The following PCDH15 variants were observed in gnomAD, a reference collection of about 807,000 sequenced individuals.
The protein encoded by PCDH15 is protocadherin related 15.
A neutral mutation model predicts 178.5 loss-of-function variants in PCDH15; 129 were observed. The observed-to-expected ratio is 0.72, with a 90% CI of 0.63 to 0.84. The LOEUF is 0.84. Ranked by LOEUF, PCDH15 falls within the 40% of genes least tolerant of loss-of-function variation. PCDH15 has a pLI of 0.00. For synonymous variants in PCDH15, 800 were observed against 732.0 expected (o/e 1.09, Z -1.50); for missense variants, 2,230 against 2,099.9 (o/e 1.06, Z -1.21).
chr10:55,427,283 AC>A lies in PCDH15; in HGVS notation c.-156+200341del, dbSNP rs200384401. 9.6e-3 allele frequency among the ~76,000 whole-genome samples: 1,461 copies of A among 152,306 alleles called. 13 individuals are homozygous for A. Among genetic ancestry groups the A allele is most frequent in the Non-Finnish European group, 0.014 (979 of 68,028 alleles). Reference sequence around the variant, plus strand: ...ACTCTCAACCAAAGTAACCTAAGGTACCTGCAACACTACCATACTAATGTGA... The same window carrying A: ...ACTCTCAACCAAAGTAACCTAAGGTACTGCAACACTACCATACTAATGTGA... On this transcript the variant is annotated intron_variant, in intron 2 of 5. Transcript: ENST00000613346.
chr10:55,332,704 C>T (rs1230610597), intron 2 of PCDH15, among the ~76,000 whole-genome samples: 1 of 152,092 alleles, frequency 6.6e-6, no homozygotes, highest in Non-Finnish European at 1.5e-5. Flanking sequence ...CCACAATGTT[C>T]TCATAATATT....
chr10:54,839,214 CA>C (rs1349720193), intron 3 of PCDH15, among the ~76,000 whole-genome samples: 2 of 152,158 alleles, frequency 1.3e-5, no homozygotes, highest in East Asian at 1.9e-4. Context: ...AACTTTCCAA[CA>C]AAGAGTTCCA....
intron 21 of PCDH15, among the ~76,000 whole-genome samples, chr10:53,988,164 G>A (rs990642643): frequency 2.6e-5 from 4 of 152,020 alleles, no homozygotes; most frequent in Admixed American, 6.6e-5. Flanking sequence ...TATCATCTAG[G>A]GTCCTTCTCA....
intron 5 of PCDH15, among the ~76,000 whole-genome samples, chr10:54,362,639 C>T (rs1335539308): frequency 1.3e-5 from 2 of 151,926 alleles, no homozygotes; most frequent in Non-Finnish European, 2.9e-5. Flanking sequence ...TGCGTTGATC[C>T]TTATAGAGCC....
chr10:53,821,042 C>G, intron 32 of PCDH15: 1 of 911,470 alleles, frequency 1.1e-6, no homozygotes, highest in South Asian at 5.1e-5. Flanking sequence ...TATGAACAAA[C>G]AAAATTAAAC....
In PCDH15 at chr10:54,593,714, G is replaced by T. The variant is rs114319043; in HGVS notation, c.92-65837C>A. 8.4e-3 allele frequency among the ~76,000 whole-genome samples: 1,275 copies of T among 152,192 alleles called. 17 individuals are homozygous for T. The highest frequency in any genetic ancestry group is 0.029 in the African/African-American group (1,191 of 41,528). On this transcript the variant is annotated intron_variant, in intron 2 of 37. Transcript: ENST00000644397. ...TTTTTTTCCTATTTCTGTAAAGAAT[G>T]CCATTGGAATTTTGACAGGGATTGC...
At chr10:54,402,296 G>A (rs1698512147) in intron 3 of PCDH15, among the ~76,000 whole-genome samples, 1 of 151,744 alleles carries the variant, frequency 6.6e-6, no homozygotes, top group Non-Finnish European at 1.5e-5. Context: ...GAAGAAGAAG[G>A]CAAGATTATA....
At chr10:54,459,632 G>A (rs2077047818) in intron 3 of PCDH15, among the ~76,000 whole-genome samples, 1 of 152,078 alleles carries the variant, frequency 6.6e-6, no homozygotes, top group African/African-American at 2.4e-5. Flanking sequence ...AGACAGGTGA[G>A]AGACAGGATA....
chr10:54,778,421 T>C (rs1167218494), intron 1 of PCDH15, among the ~76,000 whole-genome samples: 1 of 152,158 alleles, frequency 6.6e-6, no homozygotes, highest in African/African-American at 2.4e-5. Flanking sequence ...TCAGCTATTG[T>C]TTCTCTGAAT....
At chr10:54,245,076 A>G (rs562746776) in intron 8 of PCDH15, among the ~76,000 whole-genome samples, 1 of 152,054 alleles carries the variant, frequency 6.6e-6, no homozygotes, top group Admixed American at 6.6e-5. Context: ...CTGTGTGAGC[A>G]CTCCCTAGGT....
chr10:54,947,348 T>C (rs1838221732), intron 2 of PCDH15, among the ~76,000 whole-genome samples: 1 of 151,936 alleles, frequency 6.6e-6, no homozygotes, highest in Non-Finnish European at 1.5e-5. Context: ...CAAACTTATA[T>C]CCTTGTTTTT....
chr10:53,949,863 T>G (rs1381784343), intron 23 of PCDH15, among the ~76,000 whole-genome samples: 1 of 152,246 alleles, frequency 6.6e-6, no homozygotes. Context: ...TTTCATAGTT[T>G]ACAAAAATGA....
intron 5 of PCDH15, among the ~76,000 whole-genome samples, chr10:54,358,829 C>A (rs1589020047): frequency 6.6e-6 from 1 of 151,734 alleles, no homozygotes; most frequent in South Asian, 2.1e-4. Context: ...TACTATGCAG[C>A]CATAAAAAAT....
rs368832738 is a variant in PCDH15, at chr10:53,913,029, T to A, written c.3374-9659A>T. Among the ~76,000 whole-genome samples, 93 of 152,288 alleles carry A rather than the reference T, an allele frequency of 6.1e-4. 2 individuals carry two copies. In the East Asian group the frequency reaches 0.013, roughly 21 times the overall value. On this transcript the variant is annotated intron_variant, in intron 25 of 37. Coordinates refer to ENST00000644397, the MANE Select transcript of PCDH15 (RefSeq NM_001384140.1). ...ACAAAGCTGGAGGCATCATGCTACC[T>A]GACTTCAAGCTATACTACAAGGCTA...
intron 1 of PCDH15, among the ~76,000 whole-genome samples, chr10:54,759,818 G>A (rs1320067973): frequency 6.6e-6 from 1 of 152,146 alleles, no homozygotes. Flanking sequence ...ACGTTTGGGG[G>A]CTGAACTTTT....
At chr10:54,614,492 C>T (rs939800588) in intron 2 of PCDH15, among the ~76,000 whole-genome samples, 4 of 151,864 alleles carry the variant, frequency 2.6e-5, no homozygotes, top group Non-Finnish European at 5.9e-5. Context: ...AGTACTTTAT[C>T]CCTTTGGAAG....
intron 2 of PCDH15, among the ~76,000 whole-genome samples, chr10:55,403,162 T>C (rs1340123587): frequency 6.6e-6 from 1 of 152,016 alleles, no homozygotes; most frequent in African/African-American, 2.4e-5. Context: ...GAATACCTAT[T>C]CAGATTCTTT....
At chr10:54,722,507 T>C (rs1941786881) in intron 1 of PCDH15, among the ~76,000 whole-genome samples, 2 of 151,512 alleles carry the variant, frequency 1.3e-5, no homozygotes, top group East Asian at 1.9e-4. Context: ...GTCTTGATCT[T>C]ATATAGTTCT....
chr10:54,213,262 C>T (rs143845798), intron 10 of PCDH15, among the ~76,000 whole-genome samples: 8 of 152,210 alleles, frequency 5.3e-5, no homozygotes, highest in African/African-American at 1.9e-4. Context: ...GATTAAATCT[C>T]ACCATCTCAA....
Sources: allele counts gnomAD v4.1 joint callset (sites outside exome capture counted in the v4.1 genomes callset), GRCh38; gene constraint gnomAD v4.1.1; transcripts MANE v1.5; gene names NCBI Gene and HGNC (gene_info 2026-07-23, HGNC 2026-07-21).